MRPL42: variants seen among roughly 807,000 people sequenced by gnomAD.
The protein encoded by MRPL42 is large ribosomal subunit protein mL42.
A neutral mutation model predicts 17.9 loss-of-function variants in MRPL42; 17 were observed. The ratio of observed to expected loss-of-function variants is 0.95; its 90% confidence interval spans 0.65 to 1.42. The LOEUF is 1.42. Ranked by LOEUF, MRPL42 falls within the 40% of genes most tolerant of loss-of-function variation. The probability of loss-of-function intolerance (pLI) is 0.00; values close to 1 mark genes in which losing one functional copy is unlikely to be tolerated. For missense variants in MRPL42, 177 were observed against 175.2 expected (o/e 1.01, Z -0.06); for synonymous variants, 59 against 54.4 (o/e 1.08, Z -0.37).
rs1460831447 is a variant in MRPL42 at position 93,506,194 on chromosome 12, C to G, written c.*4973C>G. ...CTGCCCACCTTGGCCCCCCAAAATACTGGGATTACAAGGGTGAGCCACTGT... is the reference window on the plus strand; with the variant it reads ...CTGCCCACCTTGGCCCCCCAAAATAGTGGGATTACAAGGGTGAGCCACTGT... On this transcript the variant is annotated 3_prime_UTR_variant, in exon 6 of 6. Coordinates refer to ENST00000549982, the MANE Select transcript of MRPL42 (RefSeq NM_014050.4). 1 of 149,842 alleles carries G rather than the reference C, an allele frequency of 6.7e-6. No homozygotes were observed. The highest frequency in any genetic ancestry group is 1.5e-5 in the Non-Finnish European group (1 of 67,862). 9.3% of individuals were successfully genotyped at this position (149,842 alleles called of 1,614,324 possible).
At position 93,469,347 on chromosome 12, in the gene MRPL42, C is replaced by T; in HGVS notation, c.62C>T (p.Pro21Leu). The T allele has an allele frequency of 1.2e-6, 2 of 1,605,388 alleles. No homozygotes were observed. Among genetic ancestry groups the T allele is most frequent in the Middle Eastern group, 3.3e-4 (2 of 6,020 alleles). The change falls in exon 2 of 6, where the codon CCA becomes CTA. Residue 21 changes from proline to leucine, a missense_variant. Physicochemically the swap from Pro to Leu is moderately conservative, Grantham distance 98. Coordinates refer to ENST00000549982, the MANE Select transcript of MRPL42 (RefSeq NM_014050.4). ...AGAACTATCTTGAAACATTTATTTC[C>T]AGTCCAAAGTAAGTGAAATTTTTTT... Reference protein sequence around the residue: ...SKRTILKHLFPVQNGALYCVC... With the variant: ...SKRTILKHLFLVQNGALYCVC...
At chr12:93,483,580 G>A (rs1167118339) in intron 4 of MRPL42, among the ~76,000 whole-genome samples, 7 of 152,290 alleles carry the variant, frequency 4.6e-5, no homozygotes. Context: ...TAATATACCT[G>A]TATAGGGTAC....
chr12:93,469,649 T>G (rs10777514), intron 2 of MRPL42, among the ~76,000 whole-genome samples: 1 of 151,324 alleles, frequency 6.6e-6, no homozygotes, highest in Non-Finnish European at 1.5e-5. Context: ...AAATGTGGGT[T>G]GGGGAGGGGA....
rs1953685980 is a variant in MRPL42 at position 93,507,752 on chromosome 12, G to T, written c.*6531G>T. 6.6e-6 allele frequency: 1 copy of T among 152,282 alleles called. No individual in the cohort carries two copies. Among genetic ancestry groups the T allele is most frequent in the Non-Finnish European group, 1.5e-5 (1 of 68,168 alleles). The allele number at this position is 152,282 out of a possible 1,614,324, so 9.4% of individuals were successfully genotyped here. A position where few individuals can be genotyped will look rare whatever the true frequency, so the allele number is the denominator to read the frequency against. ...GTGACTGTCACCTGGGGCATTAGGG[G>T]GACTGTGTCTCTCATCATCCAGCAA... is the stretch of plus-strand genomic sequence containing the variant. On this transcript the variant is annotated 3_prime_UTR_variant, in exon 6 of 6. Transcript: ENST00000549982.
intron 5 of MRPL42, among the ~76,000 whole-genome samples, chr12:93,495,892 C>T (rs1356283826): frequency 6.6e-6 from 1 of 152,194 alleles, no homozygotes; most frequent in Non-Finnish European, 1.5e-5. Context: ...ATCCTCAAAA[C>T]TTCCATAAAG....
chr12:93,476,547 G>A (rs1194319648), intron 2 of MRPL42, among the ~76,000 whole-genome samples: 3 of 152,050 alleles, frequency 2.0e-5, no homozygotes, highest in South Asian at 2.1e-4. Flanking sequence ...GAGTCCTTGC[G>A]CCTTTTACTC....
chr12:93,513,293 T>C lies in MRPL42; in HGVS notation c.*12072T>C, dbSNP rs1878406286. On this transcript the variant is annotated 3_prime_UTR_variant, in exon 6 of 6. Transcript: ENST00000549982. ...TCACTGTAACCTTGAACTTCTGGGCTCAAGCAATCCTCTCACCTCAGCCTG... is the reference window on the plus strand; with the variant it reads ...TCACTGTAACCTTGAACTTCTGGGCCCAAGCAATCCTCTCACCTCAGCCTG... The C allele has an allele frequency of 6.8e-6, 1 of 147,670 alleles. No homozygotes were observed. 9.1% of individuals were successfully genotyped at this position (147,670 alleles called of 1,614,324 possible).
chr12:93,485,419 A>G (rs1880696571), intron 4 of MRPL42, among the ~76,000 whole-genome samples: 1 of 152,012 alleles, frequency 6.6e-6, no homozygotes, highest in African/African-American at 2.4e-5. Context: ...TAGGATTAAC[A>G]CATGTGAGCC....
At chr12:93,469,979 CT>C (rs5800107) in intron 2 of MRPL42, among the ~76,000 whole-genome samples, 74,972 of 145,782 alleles carry the variant, frequency 0.51, 18,850 homozygotes, top group Non-Finnish European at 0.53. Context: ...GTATTTCTCT[CT>C]TTTTTTTTTT....
intron 2 of MRPL42, among the ~76,000 whole-genome samples, chr12:93,474,152 G>T (rs1413573125): frequency 7.7e-6 from 1 of 130,162 alleles, no homozygotes; most frequent in African/African-American, 3.0e-5. Flanking sequence ...AAATACTGTT[G>T]TCTTGAGTTT....
At chr12:93,487,436 C>A in intron 4 of MRPL42, 61 bp from the exon 5 acceptor site, 1 of 1,468,694 alleles carries the variant, frequency 6.8e-7, no homozygotes. Context: ...ATTGTGATCT[C>A]AAACAAATGC....
intron 5 of MRPL42, chr12:93,488,003 C>A: frequency 4.0e-6 from 1 of 252,548 alleles, no homozygotes; most frequent in Non-Finnish European, 7.4e-6. Flanking sequence ...AAGAGTCTTG[C>A]TCTGTCACCC....
rs1027555962 is a variant in MRPL42, at chr12:93,501,922, G to T, written c.*701G>T. 2 of 118,122 alleles carry T rather than the reference G, an allele frequency of 1.7e-5. No individual in the cohort carries two copies. Among genetic ancestry groups the T allele is most frequent in the African/African-American group, 5.3e-5 (2 of 37,676 alleles). The allele number at this position is 118,122 out of a possible 1,614,324, so 7.3% of individuals were successfully genotyped here. ...TTAATCAGGTTTTACTATCTGCTAG[G>T]CCCCTTCCATCAATTCTTATTAAAT... On this transcript the variant is annotated 3_prime_UTR_variant, in exon 6 of 6. Coordinates refer to ENST00000549982, the MANE Select transcript of MRPL42 (RefSeq NM_014050.4).
At position 93,507,223 on chromosome 12, in the gene MRPL42, G is replaced by A. The variant is rs1953681075; in HGVS notation, c.*6002G>A. 1 of 152,128 alleles carries A rather than the reference G, an allele frequency of 6.6e-6. No individual in the cohort carries two copies. Among genetic ancestry groups the A allele is most frequent in the Non-Finnish European group, 1.5e-5 (1 of 68,024 alleles). 9.4% of individuals were successfully genotyped at this position (152,128 alleles called of 1,614,324 possible). ...GTGCACTGACTCCATCATTCCACTGGATGTGCCCCTGAAATCATATATTTA... is the reference window on the plus strand; with the variant it reads ...GTGCACTGACTCCATCATTCCACTGAATGTGCCCCTGAAATCATATATTTA... On this transcript the variant is annotated 3_prime_UTR_variant, in exon 6 of 6. Transcript: ENST00000549982.
intron 5 of MRPL42, 168 bp downstream of exon 5, chr12:93,487,828 GCT>G: frequency 1.8e-6 from 1 of 549,546 alleles, no homozygotes; most frequent in Admixed American, 3.6e-5. Context: ...ACAGGATCTC[GCT>G]CTGTCACCCA....
intron 2 of MRPL42, among the ~76,000 whole-genome samples, chr12:93,473,526 G>T (rs1457247763): frequency 1.3e-5 from 2 of 152,114 alleles, no homozygotes; most frequent in Non-Finnish European, 2.9e-5. Flanking sequence ...CCGCCTCCCA[G>T]ATTCAAGTGA....
At chr12:93,496,643 TAAAAAAAAA>T (rs35375116) in intron 5 of MRPL42, among the ~76,000 whole-genome samples, 1 of 70,716 alleles carries the variant, frequency 1.4e-5, no homozygotes, top group Admixed American at 1.8e-4. Flanking sequence ...TCAGATTAGG[TAAAAAAAAA>T]AAAAAAAAAA....
At chr12:93,477,668 C>T (rs1421646854) in intron 3 of MRPL42, among the ~76,000 whole-genome samples, 2 of 152,022 alleles carry the variant, frequency 1.3e-5, no homozygotes, top group Non-Finnish European at 2.9e-5. Flanking sequence ...GTGATCTTGG[C>T]TCACTGCAAC....
At chr12:93,471,128 T>C (rs1879889258) in intron 2 of MRPL42, among the ~76,000 whole-genome samples, 1 of 152,200 alleles carries the variant, frequency 6.6e-6, no homozygotes. Context: ...AACACCTTTG[T>C]TGAATAGAAT....
Sources: gnomAD v4.1 joint callset for allele counts (sites outside exome capture counted in the v4.1 genomes callset) on GRCh38, gnomAD v4.1.1 for gene constraint, MANE v1.5 for transcripts, NCBI Gene and HGNC (gene_info 2026-07-23, HGNC 2026-07-21) for gene names.